DNAH5: variants seen among roughly 807,000 people sequenced by gnomAD.
DNAH5 encodes the protein axonemal beta dynein heavy chain 5.
DNAH5 carries 372 observed loss-of-function variants against 518.2 expected under a neutral mutation model. The observed-to-expected ratio is 0.72, with a 90% CI of 0.66 to 0.78. DNAH5 has a LOEUF of 0.78. DNAH5 is among the 30% of genes least tolerant of loss of function. DNAH5 has a pLI of 0.00. For missense variants in DNAH5, 5,523 were observed against 5,687.0 expected (o/e 0.97, Z 0.93); for synonymous variants, 2,039 against 2,025.9 (o/e 1.01, Z -0.17).
chr5:13,910,071 A>G (rs1262974295), intron 12 of DNAH5, among the ~76,000 whole-genome samples: 3 of 152,234 alleles, frequency 2.0e-5, no homozygotes, highest in Non-Finnish European at 4.4e-5. Context: ...TCCAACAAAA[A>G]GAGACCAACA....
chr5:13,830,142 CA>C lies in DNAH5; in HGVS notation c.6132del (p.Ala2045GlnfsTer9). 1 of 1,614,068 alleles carries C rather than the reference CA, an allele frequency of 6.2e-7. No individual in the cohort carries two copies. Among genetic ancestry groups the C allele is most frequent in the Non-Finnish European group, 8.5e-7 (1 of 1,179,950 alleles). ...AGAATAATGGAAATTTGCTGGGCTG[CA>C]ACCGAGAGAACTGGTAGATCAATAC... ...FNRIDLPVLS[V>X]AAQQISIILT... On this transcript the variant is annotated frameshift_variant, in exon 37 of 79. Coordinates refer to ENST00000265104, the MANE Select transcript of DNAH5 (RefSeq NM_001369.3). LOFTEE classifies it high-confidence loss of function.
At chr5:13,944,214 A>G (rs1779721365) in intron 1 of DNAH5, among the ~76,000 whole-genome samples, 168 bp downstream of exon 1, 1 of 152,244 alleles carries the variant, frequency 6.6e-6, no homozygotes, top group Non-Finnish European at 1.5e-5. Context: ...TTTATTTAAA[A>G]AATGAATATG....
intron 38 of DNAH5, among the ~76,000 whole-genome samples, chr5:13,826,403 G>A (rs1164840884): frequency 6.6e-6 from 1 of 152,182 alleles, no homozygotes; most frequent in Non-Finnish European, 1.5e-5. Context: ...ATCTCATCCT[G>A]AACTGTAGTC....
intron 17 of DNAH5, among the ~76,000 whole-genome samples, chr5:13,886,624 A>C (rs1032622769): frequency 6.6e-6 from 1 of 152,234 alleles, no homozygotes; most frequent in African/African-American, 2.4e-5. Context: ...GAGATTAGGT[A>C]GACAGATAGT....
chr5:13,948,682 C>T (rs920669542), upstream of DNAH5, among the ~76,000 whole-genome samples: 1 of 151,916 alleles, frequency 6.6e-6, no homozygotes, highest in Non-Finnish European at 1.5e-5. Context: ...GAATGGTGGG[C>T]GTCAATCTAA....
intron 49 of DNAH5, 61 bp downstream of exon 49, chr5:13,793,454 A>C: frequency 2.0e-6 from 3 of 1,475,682 alleles, no homozygotes; most frequent in South Asian, 2.3e-5. Flanking sequence ...AAGATTTTCA[A>C]AAAGGAACCC....
In DNAH5 at chr5:13,882,803, C is replaced by T. The variant is rs894473278; in HGVS notation, c.3187G>A (p.Glu1063Lys). 4 of 1,614,048 alleles carry T rather than the reference C, an allele frequency of 2.5e-6. No individual in the cohort carries two copies. Among genetic ancestry groups the T allele is most frequent in the Non-Finnish European group, 3.4e-6 (4 of 1,179,924 alleles). ...CTCTGCAAAGCAGCCATTTTTCTTT[C>T]TTGTATCTTTTTCTACAATGTAAAA... ...SELLSKKKIQ[E>K]RKMAALQSNE... Residue 1063 changes from glutamate (E) to lysine (K), a missense_variant, in exon 21 of 79, where the codon GAA (glutamate) becomes AAA (lysine). Physicochemically the swap from Glu to Lys is moderately conservative, Grantham distance 56. Transcript: ENST00000265104.
chr5:13,730,110 G>C (rs962917242), intron 68 of DNAH5, among the ~76,000 whole-genome samples: 1 of 152,104 alleles, frequency 6.6e-6, no homozygotes, highest in African/African-American at 2.4e-5. Context: ...CACCCCAAGG[G>C]TTCCATGCTG....
rs772905196 is a variant in DNAH5 at position 13,919,160 on chromosome 5, T to G, written c.975+16A>C. On this transcript the variant is annotated intron_variant, in intron 7 of 78. Transcript: ENST00000265104. ...CTTATTCCCATTTCACAAGGCAAAATGAAATGGCTGACGACCTTCAGCAGT... is the reference window on the plus strand; with the variant it reads ...CTTATTCCCATTTCACAAGGCAAAAGGAAATGGCTGACGACCTTCAGCAGT... The G allele has an allele frequency of 6.2e-7, 1 of 1,613,928 alleles. No homozygotes were observed. The highest frequency in any genetic ancestry group is 8.5e-7 in the Non-Finnish European group (1 of 1,179,832).
upstream of DNAH5, among the ~76,000 whole-genome samples, chr5:13,947,350 G>C (rs1393559865): frequency 3.3e-5 from 5 of 152,142 alleles, no homozygotes; most frequent in African/African-American, 4.8e-5. Context: ...TAATAGAAAA[G>C]TGCAACTTTG....
chr5:13,937,280 G>A (rs1462565456), intron 1 of DNAH5, among the ~76,000 whole-genome samples: 1 of 148,330 alleles, frequency 6.7e-6, no homozygotes, highest in Non-Finnish European at 1.5e-5. Flanking sequence ...TCTAGCAGGA[G>A]ACCCCATACA....
chr5:13,754,999 G>C (rs1299702326), intron 61 of DNAH5, among the ~76,000 whole-genome samples: 12 of 152,028 alleles, frequency 7.9e-5, no homozygotes, highest in Admixed American at 7.9e-4. Flanking sequence ...AAAATTAGCT[G>C]GGCGTGGTGG....
intron 12 of DNAH5, among the ~76,000 whole-genome samples, chr5:13,908,718 A>G (rs567004826): frequency 1.3e-5 from 2 of 152,280 alleles, no homozygotes; most frequent in East Asian, 3.9e-4. Context: ...ACTTGGTTCC[A>G]ACATGCTGCC....
At chr5:13,875,252 G>A (rs1770718697) in intron 22 of DNAH5, among the ~76,000 whole-genome samples, 1 of 152,124 alleles carries the variant, frequency 6.6e-6, no homozygotes, top group Non-Finnish European at 1.5e-5. Flanking sequence ...TGGATCACCT[G>A]AGGTCAGGAG....
chr5:13,737,523 A>C, intron 65 of DNAH5, 28 bp from the exon 66 acceptor site: 1 of 1,608,508 alleles, frequency 6.2e-7, no homozygotes, highest in Non-Finnish European at 8.5e-7. Context: ...TATATTTTCT[A>C]CCTCAATTAA....
intron 13 of DNAH5, 126 bp downstream of exon 13, chr5:13,901,927 G>T (rs899552596): frequency 3.0e-4 from 213 of 718,128 alleles, no homozygotes; most frequent in African/African-American, 1.9e-3. Flanking sequence ...CTATGACCTT[G>T]TGACCCAAAT....
chr5:13,887,490 T>G (rs1187577442), intron 17 of DNAH5, among the ~76,000 whole-genome samples: 2 of 152,150 alleles, frequency 1.3e-5, no homozygotes, highest in African/African-American at 4.8e-5. Flanking sequence ...CCTGCTTCAT[T>G]TCAACAACTA....
At chr5:13,801,995 A>T (rs1363250559) in intron 47 of DNAH5, among the ~76,000 whole-genome samples, 1 of 152,148 alleles carries the variant, frequency 6.6e-6, no homozygotes, top group Admixed American at 6.5e-5. Flanking sequence ...AGCCAAATTC[A>T]CATTGTGAAA....
intron 35 of DNAH5, among the ~76,000 whole-genome samples, chr5:13,838,561 T>G (rs979619643): frequency 6.6e-6 from 1 of 152,202 alleles, no homozygotes; most frequent in East Asian, 1.9e-4. Flanking sequence ...CCTGATGATC[T>G]GTCACTGTCT....
Sources: gnomAD v4.1 joint callset for allele counts (sites outside exome capture counted in the v4.1 genomes callset) on GRCh38, gnomAD v4.1.1 for gene constraint, MANE v1.5 for transcripts, NCBI Gene and HGNC (gene_info 2026-07-23, HGNC 2026-07-21) for gene names.